CDH13: variants seen among roughly 807,000 people sequenced by gnomAD.
CDH13 encodes the protein cadherin-13.
CDH13 carries 24 observed loss-of-function variants against 63.8 expected under a neutral mutation model. The ratio of observed to expected loss-of-function variants is 0.38; its 90% confidence interval spans 0.27 to 0.53. The LOEUF (loss-of-function observed/expected upper bound fraction) is 0.53. Among genes scored for constraint, CDH13 ranks in the 20% least tolerant of loss-of-function variants. The pLI is 0.85. For missense variants in CDH13, 1,049 were observed against 903.1 expected (o/e 1.16, Z -2.07); for synonymous variants, 503 against 355.3 (o/e 1.42, Z -4.67).
At chr16:83,535,948 GAAGGAAGAA>G (rs1018917073) in intron 7 of CDH13, among the ~76,000 whole-genome samples, 23 of 67,954 alleles carry the variant, frequency 3.4e-4, no homozygotes, top group African/African-American at 5.2e-4. Flanking sequence ...AGGAAGGAAG[GAAGGAAGAA>G]AAGAAAAGAA....
chr16:83,650,673 C>T (rs1201364812), intron 8 of CDH13, among the ~76,000 whole-genome samples: 1 of 152,184 alleles, frequency 6.6e-6, no homozygotes, highest in African/African-American at 2.4e-5. Context: ...TCCCAATGCA[C>T]AGGGCAGCCC....
rs1466966273 is a variant in CDH13 at position 83,191,458 on chromosome 16, A to AATATAGAT, written c.484-25882_484-25881insGATATATA. On this transcript the variant is annotated intron_variant, in intron 4 of 13. Transcript: ENST00000567109. ...CTTTAGAAGGACAGAACTAATAGGA[A>AATATAGAT]ATATATATATATATATATATATATA... is the stretch of plus-strand genomic sequence containing the variant. 6.1e-4 allele frequency among the ~76,000 whole-genome samples: 49 copies of AATATAGAT among 80,582 alleles called. 1 individual carries two copies. Among genetic ancestry groups the AATATAGAT allele is most frequent in the Admixed American group, 1.6e-3 (11 of 6,932 alleles). The allele number at this position is 80,582 out of a possible 152,430, so 52.9% of individuals were successfully genotyped here. A position where few individuals can be genotyped will look rare whatever the true frequency, so the allele number is the denominator to read the frequency against.
intron 8 of CDH13, among the ~76,000 whole-genome samples, chr16:83,610,135 A>G (rs1269777763): frequency 1.3e-5 from 2 of 152,140 alleles, no homozygotes; most frequent in Non-Finnish European, 2.9e-5. Flanking sequence ...ACATTTAGGC[A>G]GTTTCAGTTT....
chr16:83,295,914 A>C (rs759644670), intron 5 of CDH13, among the ~76,000 whole-genome samples: 6 of 152,212 alleles, frequency 3.9e-5, no homozygotes, highest in Non-Finnish European at 7.4e-5. Context: ...TATGGAATCA[A>C]CCTAAAAATT....
chr16:83,588,517 G>A (rs1354576368), intron 7 of CDH13, among the ~76,000 whole-genome samples: 1 of 152,164 alleles, frequency 6.6e-6, no homozygotes, highest in Non-Finnish European at 1.5e-5. Context: ...CAGTGTCTTG[G>A]GACCTCAGTG....
At chr16:82,871,767 A>T (rs975338621) in intron 2 of CDH13, among the ~76,000 whole-genome samples, 1 of 152,166 alleles carries the variant, frequency 6.6e-6, no homozygotes, top group Non-Finnish European at 1.5e-5. Context: ...CATTAATGAT[A>T]TCCTCAATAT....
chr16:83,226,592 T>TA (rs1367201316), intron 5 of CDH13, among the ~76,000 whole-genome samples: 1 of 152,216 alleles, frequency 6.6e-6, no homozygotes. Flanking sequence ...GTTGTCTAAC[T>TA]ACAACCAGGT....
intron 7 of CDH13, among the ~76,000 whole-genome samples, chr16:83,525,197 A>C (rs7190289): frequency 0.7 from 105,961 of 151,998 alleles, 37,958 homozygotes; most frequent in Non-Finnish European, 0.78. Flanking sequence ...ACGGGCCAGT[A>C]GAATGTAGTA....
In CDH13 at chr16:83,666,936, G is replaced by A. The variant is rs567321694; in HGVS notation, c.1102-3854G>A. ...TCCCATCTGTCTCTCCTTTCAGCCT[G>A]TAATCTCTCTGAGGAAATATATCAT... On this transcript the variant is annotated intron_variant, in intron 8 of 13. Transcript: ENST00000567109. Among the ~76,000 whole-genome samples, 53 of 152,244 alleles carry A rather than the reference G, an allele frequency of 3.5e-4. No homozygotes were observed. The South Asian group carries it at 5.4e-3, about 15-fold the overall frequency.
chr16:83,748,527 GC>G (rs1432206606), intron 11 of CDH13, among the ~76,000 whole-genome samples: 2 of 152,196 alleles, frequency 1.3e-5, no homozygotes, highest in East Asian at 3.8e-4. Context: ...AGGTTAGAAA[GC>G]CACGCTGATG....
chr16:82,877,357 TG>T (rs947968129), intron 2 of CDH13, among the ~76,000 whole-genome samples: 13 of 152,366 alleles, frequency 8.5e-5, no homozygotes, highest in African/African-American at 2.6e-4. Flanking sequence ...GCAGTGAAAT[TG>T]TTCCTGGTTT....
At chr16:83,552,833 C>T (rs1000624216) in intron 7 of CDH13, among the ~76,000 whole-genome samples, 3 of 152,306 alleles carry the variant, frequency 2.0e-5, no homozygotes, top group African/African-American at 7.2e-5. Context: ...TGTAATCCAG[C>T]TCTTTGGGAG....
At position 83,567,336 on chromosome 16, in the gene CDH13, C is replaced by A. The variant is rs187017548; in HGVS notation, c.961-35118C>A. On this transcript the variant is annotated intron_variant, in intron 7 of 13. Transcript: ENST00000567109. ...TTGGCACATAGTGGGTGAACTCACACAGACTAGAGATAAATCAGAGATGAA... is the reference window on the plus strand; with the variant it reads ...TTGGCACATAGTGGGTGAACTCACAAAGACTAGAGATAAATCAGAGATGAA... 3.0e-3 allele frequency among the ~76,000 whole-genome samples: 459 copies of A among 152,282 alleles called. 3 individuals are homozygous for A. The highest frequency in any genetic ancestry group is 0.011 in the African/African-American group (439 of 41,560).
intron 6 of CDH13, among the ~76,000 whole-genome samples, chr16:83,417,257 C>T (rs2071577189): frequency 6.6e-6 from 1 of 152,166 alleles, no homozygotes; most frequent in Admixed American, 6.5e-5. Context: ...ATTACAAATA[C>T]CAAATTGACT....
chr16:83,623,673 G>C (rs1191067942), intron 8 of CDH13, among the ~76,000 whole-genome samples: 1 of 152,192 alleles, frequency 6.6e-6, no homozygotes, highest in Non-Finnish European at 1.5e-5. Context: ...GAACCAGTTA[G>C]CTGTCTGGTC....
At chr16:83,391,101 C>G (rs996308260) in intron 6 of CDH13, among the ~76,000 whole-genome samples, 1 of 152,194 alleles carries the variant, frequency 6.6e-6, no homozygotes. Flanking sequence ...TGCCTCTAAC[C>G]TCCTTCACCA....
At chr16:82,949,474 G>T (rs999784079) in intron 2 of CDH13, among the ~76,000 whole-genome samples, 7 of 152,168 alleles carry the variant, frequency 4.6e-5, no homozygotes, top group African/African-American at 1.7e-4. Flanking sequence ...CAGGGGTTAG[G>T]AGTTGGACGT....
chr16:82,723,843 G>A (rs1415553674), intron 1 of CDH13, among the ~76,000 whole-genome samples: 1 of 152,146 alleles, frequency 6.6e-6, no homozygotes, highest in Non-Finnish European at 1.5e-5. Context: ...TCTCAGTGTT[G>A]AGCAAAGCAG....
At chr16:83,376,500 C>T (rs1015701204) in intron 6 of CDH13, among the ~76,000 whole-genome samples, 1 of 152,116 alleles carries the variant, frequency 6.6e-6, no homozygotes, top group East Asian at 1.9e-4. Context: ...AAAGTGACAG[C>T]TCTTGATGAG....
Sources: allele counts gnomAD v4.1 joint callset (sites outside exome capture counted in the v4.1 genomes callset), GRCh38; gene constraint gnomAD v4.1.1; transcripts MANE v1.5; gene names NCBI Gene and HGNC (gene_info 2026-07-23, HGNC 2026-07-21).